The following MAP3K14 variants were observed in gnomAD, a reference collection of about 807,000 sequenced individuals.
MAP3K14 encodes the protein NF-kappa-beta-inducing kinase.
Under a neutral mutation model 99.2 loss-of-function variants are expected in MAP3K14, and 16 were observed. The observed-to-expected ratio is 0.16, with a 90% CI of 0.11 to 0.24. MAP3K14 has a LOEUF of 0.24. Ranked by LOEUF, MAP3K14 falls within the 10% of genes least tolerant of loss-of-function variation. The pLI, the probability that MAP3K14 is intolerant of heterozygous loss-of-function variation, is 1.00. For synonymous variants in MAP3K14, 462 were observed against 492.4 expected, an observed-to-expected ratio of 0.94 and a Z score of 0.82; for missense variants, 784 against 1,208.7, an observed-to-expected ratio of 0.65 and a Z score of 5.21.
intron 3 of MAP3K14, among the ~76,000 whole-genome samples, chr17:45,288,381 T>TG (rs1386189472): frequency 2.7e-5 from 4 of 147,764 alleles, no homozygotes; most frequent in Admixed American, 6.7e-5. Flanking sequence ...GAACTCTTGT[T>TG]TTTTTTTTTT....
chr17:45,278,421 G>A (rs1453473356), intron 6 of MAP3K14, among the ~76,000 whole-genome samples: 1 of 152,178 alleles, frequency 6.6e-6, no homozygotes, highest in East Asian at 1.9e-4. Context: ...ATATTCATGA[G>A]AACTAAGATC....
In MAP3K14 at chr17:45,267,571, G is replaced by A. The variant is rs772435508; in HGVS notation, c.2161C>T (p.Pro721Ser). The A allele has an allele frequency of 4.8e-5, 77 of 1,613,276 alleles. 1 individual carries two copies. In the East Asian group the frequency reaches 1.7e-3, roughly 35 times the overall value. The part of the protein sequence containing the change: ...PKLQPPLPPE[P>S]PEPNKSPPLT... The stretch of plus-strand genomic sequence containing the variant: ...GGAGGAGACTTGTTTGGCTCTGGGG[G>A]CTCTGGTGGGAGAGGAGGCTGGAGC... The change falls in exon 12 of 16, where the codon CCC becomes TCC. Residue 721 changes from proline (P) to serine (S), a missense_variant. Around this residue, in one of 5 missense-constraint regions of MAP3K14, gnomAD observed 128 missense variants for 143.3 expected, o/e 0.89. Coordinates refer to ENST00000344686, the MANE Select transcript of MAP3K14 (RefSeq NM_003954.5). The surrounding 1 kb of genome is among the most constrained non-coding windows in gnomAD (Gnocchi z 5.1).
At chr17:45,316,116 C>T (rs1449875118) in intron 1 of MAP3K14, among the ~76,000 whole-genome samples, 1 of 152,206 alleles carries the variant, frequency 6.6e-6, no homozygotes, top group Non-Finnish European at 1.5e-5. Flanking sequence ...GATGTATGTA[C>T]CTTTTCACCA....
intron 5 of MAP3K14, among the ~76,000 whole-genome samples, 178 bp from the exon 6 acceptor site, chr17:45,285,127 G>A (rs142244022): frequency 6.6e-6 from 1 of 152,342 alleles, no homozygotes; most frequent in Non-Finnish European, 1.5e-5. Flanking sequence ...CCAGAGAGGG[G>A]GCAGAGGAAT....
Position 45,267,412 on chromosome 17 carries a change from C to A in MAP3K14, c.2320G>T (p.Glu774Ter). The A allele has an allele frequency of 6.3e-7, 1 of 1,591,518 alleles. No individual in the cohort carries two copies. The highest frequency in any genetic ancestry group is 1.1e-5 in the South Asian group (1 of 88,094). ...TVPEQELQQL[E>*]IELFLNSLSQ... ...CAGCCACGGCTGCCCGTACCTATTT[C>A]CAGCTGCTGCAGTTCCTGCTCCGGG... Residue 774 changes from glutamate (E) to a stop codon, truncating the protein, a stop_gained, in exon 12 of 16, where the codon GAA becomes TAA. Transcript: ENST00000344686. LOFTEE classifies it high-confidence loss of function. The surrounding 1 kb of genome is among the most constrained non-coding windows in gnomAD (Gnocchi z 5.1).
Position 45,267,212 on chromosome 17 carries a change from T to C in MAP3K14, c.2327-14A>G. The C allele has an allele frequency of 6.4e-7, 1 of 1,554,262 alleles. No individual in the cohort carries two copies. On this transcript the variant is annotated splice_polypyrimidine_tract_variant and intron_variant, in intron 12 of 15. Transcript: ENST00000344686. This position sits in a 1 kb window ranked among gnomAD's most constrained non-coding sequence, Gnocchi z 5.1. ...TGAGGAATAATTCTGCAGGGAAAAG[T>C]GGAAGATGGCTGTGAAAGACTGGGA...
chr17:45,316,882 C>T (rs983140944), intron 1 of MAP3K14, 78 bp downstream of exon 1: 6 of 151,958 alleles, frequency 3.9e-5, no homozygotes, highest in Non-Finnish European at 7.4e-5. Context: ...CAGCCCAGCC[C>T]GGGGCTGAGA....
At chr17:45,313,856 C>G (rs1299863264) in intron 1 of MAP3K14, among the ~76,000 whole-genome samples, 1 of 152,110 alleles carries the variant, frequency 6.6e-6, no homozygotes, top group Non-Finnish European at 1.5e-5. Context: ...AAGCAGTGAC[C>G]TAGATATCAA....
chr17:45,269,540 G>A (rs1485208372), intron 11 of MAP3K14, among the ~76,000 whole-genome samples: 1 of 152,216 alleles, frequency 6.6e-6, no homozygotes, highest in African/African-American at 2.4e-5. Context: ...GAGAGACATA[G>A]GCAGGATTAG....
In MAP3K14 at chr17:45,287,504, C is replaced by T. The variant is rs866008953; in HGVS notation, c.327-140G>A. 1.0e-4 allele frequency: 68 copies of T among 666,900 alleles called. No homozygotes were observed. In the African/African-American group the frequency reaches 1.0e-3, roughly 10 times the overall value. The allele number at this position is 666,900 out of a possible 1,614,324, so 41.3% of individuals were successfully genotyped here. Reference sequence around the variant, plus strand: ...TCCTTGTGTGAATGCGGCAAGGTTTCTAAATCCCAAGGAACCTGTTTTCTC... The same window carrying T: ...TCCTTGTGTGAATGCGGCAAGGTTTTTAAATCCCAAGGAACCTGTTTTCTC... On this transcript the variant is annotated intron_variant, in intron 3 of 15. Transcript: ENST00000344686.
Position 45,286,254 on chromosome 17 carries a change from T to C in MAP3K14, c.1152+177A>G, listed in dbSNP as rs1423437277. Among the ~76,000 whole-genome samples, 1 of 152,070 alleles carries C rather than the reference T, an allele frequency of 6.6e-6. No individual in the cohort carries two copies. Among genetic ancestry groups the C allele is most frequent in the Admixed American group, 6.5e-5 (1 of 15,274 alleles). ...CAGAAGAACTCAGAACAGAAGACGC[T>C]AAAAAGGCTGTGAGAAGTGAGATTG... On this transcript the variant is annotated intron_variant, in intron 5 of 15. Coordinates refer to ENST00000344686, the MANE Select transcript of MAP3K14 (RefSeq NM_003954.5). This position sits in a 1 kb window ranked among gnomAD's most constrained non-coding sequence, Gnocchi z 4.1.
chr17:45,274,080 G>A (rs2044160517), intron 8 of MAP3K14, 43 bp downstream of exon 8: 1 of 1,596,484 alleles, frequency 6.3e-7, no homozygotes, highest in Non-Finnish European at 8.6e-7. Flanking sequence ...TGGTGTGAGA[G>A]AAGAGCCTGC....
chr17:45,304,306 T>C (rs1162095477), intron 1 of MAP3K14, among the ~76,000 whole-genome samples: 2 of 152,358 alleles, frequency 1.3e-5, no homozygotes, highest in East Asian at 3.9e-4. Context: ...GGTTGACCTC[T>C]AATTCATTCT....
intron 9 of MAP3K14, among the ~76,000 whole-genome samples, chr17:45,273,034 C>T (rs758216748): frequency 2.6e-5 from 4 of 152,212 alleles, no homozygotes; most frequent in African/African-American, 9.7e-5. Context: ...TAACTCTATA[C>T]TTCACAGTGG....
At chr17:45,306,573 T>C (rs2044431401) in intron 1 of MAP3K14, among the ~76,000 whole-genome samples, 1 of 152,226 alleles carries the variant, frequency 6.6e-6, no homozygotes, top group South Asian at 2.1e-4. Flanking sequence ...GGAGAAATTC[T>C]ATGACAAATG....
intron 6 of MAP3K14, among the ~76,000 whole-genome samples, chr17:45,277,665 G>A (rs1418705159): frequency 6.6e-6 from 1 of 152,110 alleles, no homozygotes; most frequent in Non-Finnish European, 1.5e-5. Context: ...GAGGCACCCC[G>A]GGGCACTGCA....
chr17:45,268,394 GTT>G (rs1485504829), intron 11 of MAP3K14: 2 of 152,086 alleles, frequency 1.3e-5, no homozygotes, highest in Non-Finnish European at 2.9e-5. Context: ...CAAAATGTGC[GTT>G]GTTTTATTTA....
intron 3 of MAP3K14, 22 bp downstream of exon 3, chr17:45,289,214 C>T (rs768612054): frequency 1.9e-6 from 3 of 1,612,074 alleles, no homozygotes; most frequent in African/African-American, 1.3e-5. Context: ...CCTTCCCACT[C>T]AGGCTTGTCT....
At position 45,286,916 on chromosome 17, in the gene MAP3K14, G is replaced by A. The variant is rs2044270748; in HGVS notation, c.667C>T (p.Arg223Ter). 6.2e-7 allele frequency: 1 copy of A among 1,614,058 alleles called. No individual in the cohort carries two copies. The highest frequency in any genetic ancestry group is 8.5e-7 in the Non-Finnish European group (1 of 1,179,890). ...CTGATCAGTTTGTGGAGTTCTGATCGAGGCAGAGCCGGCCGTAGGCCCTCG... is the reference window on the plus strand; with the variant it reads ...CTGATCAGTTTGTGGAGTTCTGATCAAGGCAGAGCCGGCCGTAGGCCCTCG... ...LGEGLRPALP[R>*]SELHKLISPL... The change falls in exon 5 of 16, where the codon CGA becomes TGA. Residue 223 changes from arginine to a stop codon, truncating the protein, a stop_gained. Coordinates refer to ENST00000344686, the MANE Select transcript of MAP3K14 (RefSeq NM_003954.5). LOFTEE classifies it high-confidence loss of function. This position sits in a 1 kb window ranked among gnomAD's most constrained non-coding sequence, Gnocchi z 4.1.
Sources: allele counts gnomAD v4.1 joint callset (sites outside exome capture counted in the v4.1 genomes callset), GRCh38; gene constraint gnomAD v4.1.1; regional missense constraint gnomAD v4.1.1; non-coding constraint Gnocchi (gnomAD v3.1); transcripts MANE v1.5; gene names NCBI Gene and HGNC (gene_info 2026-07-23, HGNC 2026-07-21).